The following ADGRL3 variants were observed in gnomAD, a reference collection of about 807,000 sequenced individuals.
The protein encoded by ADGRL3 is calcium-independent alpha-latrotoxin receptor 3.
In ADGRL3, 62 loss-of-function variants were observed where a neutral mutation model predicts 153.5. That is an observed-to-expected ratio of 0.40 (90% CI 0.33 to 0.50). The LOEUF is 0.50. ADGRL3 is among the 20% of genes least tolerant of loss of function. The pLI, the probability that ADGRL3 is intolerant of heterozygous loss-of-function variation, is 0.47. For synonymous variants in ADGRL3, 710 were observed against 672.5 expected, an observed-to-expected ratio of 1.06 and a Z score of -0.86; for missense variants, 1,641 against 1,859.4, an observed-to-expected ratio of 0.88 and a Z score of 2.16.
intron 21 of ADGRL3, among the ~76,000 whole-genome samples, chr4:62,021,508 A>C (rs905990331): frequency 6.6e-6 from 1 of 152,182 alleles, no homozygotes; most frequent in South Asian, 2.1e-4. Context: ...CAAAAATTGC[A>C]TACAGGCATA....
At chr4:61,536,513 C>G (rs2098657400) in intron 4 of ADGRL3, among the ~76,000 whole-genome samples, 1 of 151,954 alleles carries the variant, frequency 6.6e-6, no homozygotes, top group Non-Finnish European at 1.5e-5. Context: ...GGATGTCTAT[C>G]TCTTTTGCTA....
At chr4:61,840,748 C>A (rs2098017920) in intron 9 of ADGRL3, among the ~76,000 whole-genome samples, 1 of 152,166 alleles carries the variant, frequency 6.6e-6, no homozygotes, top group South Asian at 2.1e-4. Flanking sequence ...AGCCTATGTT[C>A]ATGAGTTTGC....
At chr4:61,786,541 AT>A (rs2097277964) in intron 8 of ADGRL3, among the ~76,000 whole-genome samples, 1 of 152,180 alleles carries the variant, frequency 6.6e-6, no homozygotes, top group African/African-American at 2.4e-5. Context: ...GATGCAAGGT[AT>A]TTGGCAAGGC....
intron 8 of ADGRL3, among the ~76,000 whole-genome samples, chr4:61,787,363 T>C (rs1341249737): frequency 1.3e-5 from 2 of 152,004 alleles, no homozygotes; most frequent in Non-Finnish European, 2.9e-5. Flanking sequence ...TCATACTTTT[T>C]TTTTAAAAAA....
At chr4:61,284,371 T>C (rs1412136566) in intron 1 of ADGRL3, among the ~76,000 whole-genome samples, 1 of 151,910 alleles carries the variant, frequency 6.6e-6, no homozygotes, top group Non-Finnish European at 1.5e-5. Context: ...TTCTGAAATA[T>C]CAGCATCAGG....
At chr4:61,551,788 A>G (rs1348785917) in intron 4 of ADGRL3, among the ~76,000 whole-genome samples, 1 of 152,194 alleles carries the variant, frequency 6.6e-6, no homozygotes, top group Non-Finnish European at 1.5e-5. Flanking sequence ...CTCAGGACAT[A>G]TATTTTTAAA....
At chr4:61,422,562 C>T (rs138806017) in intron 2 of ADGRL3, among the ~76,000 whole-genome samples, 17 of 152,036 alleles carry the variant, frequency 1.1e-4, no homozygotes, top group East Asian at 1.9e-4. Flanking sequence ...TTTCTGTAAA[C>T]GTGATAAAAC....
intron 1 of ADGRL3, among the ~76,000 whole-genome samples, chr4:61,264,224 T>C (rs1428473426): frequency 6.6e-6 from 1 of 151,990 alleles, no homozygotes; most frequent in African/African-American, 2.4e-5. Flanking sequence ...AAGAAACTGC[T>C]TGGGAGAAAG....
chr4:61,834,604 A>G (rs1254337648), intron 9 of ADGRL3, among the ~76,000 whole-genome samples: 1 of 152,114 alleles, frequency 6.6e-6, no homozygotes, highest in Non-Finnish European at 1.5e-5. Flanking sequence ...ACGATGGGAA[A>G]AGGCCATCAA....
At chr4:61,861,814 C>T (rs573571653) in intron 9 of ADGRL3, among the ~76,000 whole-genome samples, 3 of 152,102 alleles carry the variant, frequency 2.0e-5, no homozygotes, top group South Asian at 2.1e-4. Context: ...AGGTCCTACA[C>T]GTACATGTCT....
intron 5 of ADGRL3, among the ~76,000 whole-genome samples, chr4:61,670,771 G>C (rs991473865): frequency 1.3e-5 from 2 of 152,190 alleles, no homozygotes; most frequent in African/African-American, 2.4e-5. Context: ...CCCCCCAGGG[G>C]TGTTGTGTTT....
chr4:61,436,568 C>T lies in ADGRL3; in HGVS notation c.-174+53379C>T, dbSNP rs955988070. On this transcript the variant is annotated intron_variant, in intron 2 of 26. Transcript: ENST00000683033. ...GAACAAGGAGCATTGCTGACATATA[C>T]GTGAGCAATGAAATCTGCCAAAGTT... 5.3e-5 allele frequency among the ~76,000 whole-genome samples: 8 copies of T among 152,080 alleles called. No homozygotes were observed. The South Asian group carries it at 8.3e-4, about 16-fold the overall frequency.
At chr4:61,268,802 G>A (rs1159512493) in intron 1 of ADGRL3, among the ~76,000 whole-genome samples, 1 of 151,438 alleles carries the variant, frequency 6.6e-6, no homozygotes, top group Non-Finnish European at 1.5e-5. Flanking sequence ...CTAGATTATG[G>A]AAAATATATG....
At chr4:61,565,172 G>A (rs1213411177) in intron 4 of ADGRL3, among the ~76,000 whole-genome samples, 1 of 152,104 alleles carries the variant, frequency 6.6e-6, no homozygotes, top group Non-Finnish European at 1.5e-5. Flanking sequence ...ACAGTATCTG[G>A]GAAGTGCAAT....
chr4:61,622,690 TA>T lies in ADGRL3; in HGVS notation c.473+35256del, dbSNP rs2092600045. Among the ~76,000 whole-genome samples the T allele has an allele frequency of 2.0e-5, 3 of 152,150 alleles. No individual in the cohort carries two copies. The South Asian group carries it at 6.2e-4, about 31-fold the overall frequency. On this transcript the variant is annotated intron_variant, in intron 5 of 26. Coordinates refer to ENST00000683033, the MANE Select transcript of ADGRL3 (RefSeq NM_001387552.1). ...TGTGGATTATCTCATTTAATCCCCATAAAAAATGGGTAGATACAAATTGTGT... is the reference window on the plus strand; with the variant it reads ...TGTGGATTATCTCATTTAATCCCCATAAAAATGGGTAGATACAAATTGTGT...
rs147616750 is a variant in ADGRL3 at position 61,676,366 on chromosome 4, A to T, written c.474-460A>T. On this transcript the variant is annotated intron_variant, in intron 5 of 26. Coordinates refer to ENST00000683033, the MANE Select transcript of ADGRL3 (RefSeq NM_001387552.1). ...TTGTTAGGCTCAGATAAAGCTTTTC[A>T]ATACCACTTTTCATACCTTTAAAAT... 6.2e-3 allele frequency among the ~76,000 whole-genome samples: 945 copies of T among 152,106 alleles called. 8 individuals are homozygous for T. The highest frequency in any genetic ancestry group is 0.022 in the African/African-American group (895 of 41,532).
intron 4 of ADGRL3, among the ~76,000 whole-genome samples, chr4:61,544,054 C>A (rs942562724): frequency 1.3e-5 from 2 of 152,146 alleles, no homozygotes; most frequent in African/African-American, 4.8e-5. Flanking sequence ...ACGTGACAAG[C>A]GTTGTACTGG....
chr4:61,970,343 C>G (rs1354435506), intron 17 of ADGRL3, among the ~76,000 whole-genome samples: 1 of 152,090 alleles, frequency 6.6e-6, no homozygotes, highest in Non-Finnish European at 1.5e-5. Flanking sequence ...CATTCTCATC[C>G]CAGACACTCT....
At chr4:61,523,910 A>G (rs1451735726) in intron 4 of ADGRL3, among the ~76,000 whole-genome samples, 1 of 152,120 alleles carries the variant, frequency 6.6e-6, no homozygotes, top group Non-Finnish European at 1.5e-5. Flanking sequence ...CACAAAGAGT[A>G]TGAATAACTA....
Sources: allele counts gnomAD v4.1 joint callset (sites outside exome capture counted in the v4.1 genomes callset), GRCh38; gene constraint gnomAD v4.1.1; transcripts MANE v1.5; gene names NCBI Gene and HGNC (gene_info 2026-07-23, HGNC 2026-07-21).